Variants in THSD7B observed in about 807,000 individuals in gnomAD.
The protein encoded by THSD7B is thrombospondin type 1 domain containing 7B, also known as thrombospondin type-1 domain-containing protein 7B.
THSD7B carries 138 observed loss-of-function variants against 213.6 expected under a neutral mutation model. That is an observed-to-expected ratio of 0.65 (90% confidence interval 0.56 to 0.74). The LOEUF is 0.74. THSD7B is among the 30% of genes least tolerant of loss of function. THSD7B has a pLI of 0.00. For missense variants in THSD7B, 1,931 were observed against 1,991.5 expected (o/e 0.97, Z 0.58); for synonymous variants, 742 against 687.0 (o/e 1.08, Z -1.25).
intron 12 of THSD7B, among the ~76,000 whole-genome samples, chr2:137,285,330 C>T (rs561680926): frequency 7.9e-5 from 12 of 152,078 alleles, no homozygotes; most frequent in East Asian, 7.7e-4. Context: ...ATATAGCACA[C>T]GGATGGGTCT....
chr2:137,310,849 C>A (rs1458718067), intron 12 of THSD7B, among the ~76,000 whole-genome samples: 1 of 151,928 alleles, frequency 6.6e-6, no homozygotes, highest in Non-Finnish European at 1.5e-5. Flanking sequence ...GCTCTGTTCC[C>A]TTCCATTGAT....
intron 12 of THSD7B, among the ~76,000 whole-genome samples, chr2:137,337,156 A>G: frequency 6.6e-6 from 1 of 151,998 alleles, no homozygotes; most frequent in East Asian, 1.9e-4. Flanking sequence ...GTATAATACT[A>G]TTAATATTCA....
intron 3 of THSD7B, among the ~76,000 whole-genome samples, chr2:137,076,203 G>A (rs1423052049): frequency 6.6e-6 from 1 of 152,234 alleles, no homozygotes; most frequent in African/African-American, 2.4e-5. Flanking sequence ...TACAGAGGCA[G>A]GCAGGCCTCC....
chr2:137,533,881 CTT>C (rs1296641496), intron 15 of THSD7B, among the ~76,000 whole-genome samples: 1 of 151,822 alleles, frequency 6.6e-6, no homozygotes, highest in African/African-American at 2.4e-5. Flanking sequence ...ACAATAAAAA[CTT>C]TGACTAAACA....
At chr2:137,474,858 C>G (rs1287993896) in intron 15 of THSD7B, among the ~76,000 whole-genome samples, 4 of 152,206 alleles carry the variant, frequency 2.6e-5, no homozygotes, top group Non-Finnish European at 5.9e-5. Context: ...CAATCTGTGG[C>G]ATATACTAAT....
intron 2 of THSD7B, among the ~76,000 whole-genome samples, chr2:136,910,474 T>TA (rs1028523085): frequency 1.3e-5 from 2 of 152,180 alleles, no homozygotes; most frequent in Admixed American, 1.3e-4. Context: ...TTTTTATATT[T>TA]AAAAAATGTG....
At chr2:137,662,305 G>A (rs1472925539) in intron 25 of THSD7B, among the ~76,000 whole-genome samples, 7 of 140,750 alleles carry the variant, frequency 5.0e-5, no homozygotes, top group Non-Finnish European at 1.1e-4. Flanking sequence ...GGATGGTCTC[G>A]ATCTCCTGAC....
intron 15 of THSD7B, among the ~76,000 whole-genome samples, chr2:137,484,120 T>C (rs1279149971): frequency 2.0e-5 from 3 of 151,208 alleles, no homozygotes; most frequent in Admixed American, 1.3e-4. Context: ...GCTGCACCCA[T>C]TACCTCGTCA....
At chr2:137,667,402 C>T (rs1683470635) in intron 26 of THSD7B, among the ~76,000 whole-genome samples, 1 of 152,024 alleles carries the variant, frequency 6.6e-6, no homozygotes, top group Admixed American at 6.5e-5. Flanking sequence ...AAGTTACAAC[C>T]TAATGTTTTT....
At chr2:136,854,065 C>G (rs1683139505) in intron 1 of THSD7B, among the ~76,000 whole-genome samples, 1 of 152,150 alleles carries the variant, frequency 6.6e-6, no homozygotes. Context: ...TTAACTCAGC[C>G]TAGAATTAGC....
chr2:136,868,635 T>A (rs945476980), intron 1 of THSD7B, among the ~76,000 whole-genome samples: 1 of 152,234 alleles, frequency 6.6e-6, no homozygotes, highest in East Asian at 1.9e-4. Context: ...AGTATTTTTT[T>A]AATCTCAAAG....
chr2:137,658,728 AT>A (rs1335948223), intron 24 of THSD7B, among the ~76,000 whole-genome samples: 1 of 152,104 alleles, frequency 6.6e-6, no homozygotes, highest in Non-Finnish European at 1.5e-5. Context: ...TCTTTGTGTT[AT>A]TTTTCAAGTC....
intron 17 of THSD7B, among the ~76,000 whole-genome samples, chr2:137,573,944 G>A (rs1681408010): frequency 6.6e-6 from 1 of 152,104 alleles, no homozygotes; most frequent in Non-Finnish European, 1.5e-5. Context: ...ATTTGAAGAA[G>A]AAGGGTAGCT....
intron 21 of THSD7B, among the ~76,000 whole-genome samples, chr2:137,652,950 T>C (rs2104814138): frequency 1.3e-5 from 2 of 152,326 alleles, no homozygotes; most frequent in East Asian, 3.9e-4. Context: ...AGATGCTTAT[T>C]TGGGGCTTCA....
At chr2:136,992,743 A>G (rs1463255445) in intron 2 of THSD7B, among the ~76,000 whole-genome samples, 1 of 152,184 alleles carries the variant, frequency 6.6e-6, no homozygotes, top group African/African-American at 2.4e-5. Context: ...ACACAGTAGC[A>G]CATCTTGGCA....
At chr2:137,577,901 C>T (rs573115604) in intron 17 of THSD7B, among the ~76,000 whole-genome samples, 17 of 152,202 alleles carry the variant, frequency 1.1e-4, no homozygotes, top group Admixed American at 5.2e-4. Flanking sequence ...TAAACTAGCA[C>T]GATTGTAACG....
intron 2 of THSD7B, among the ~76,000 whole-genome samples, chr2:136,951,370 A>G (rs1685035392): frequency 6.6e-6 from 1 of 152,220 alleles, no homozygotes; most frequent in Non-Finnish European, 1.5e-5. Flanking sequence ...TTGCTTAGGT[A>G]AAAATATAAC....
intron 2 of THSD7B, among the ~76,000 whole-genome samples, chr2:136,969,013 G>T (rs991651275): frequency 2.0e-5 from 3 of 152,090 alleles, no homozygotes; most frequent in Non-Finnish European, 4.4e-5. Flanking sequence ...CAAACTTTGA[G>T]ATGTTTGTTC....
chr2:137,411,133 G>T (rs1003297962), intron 13 of THSD7B, among the ~76,000 whole-genome samples: 1 of 152,244 alleles, frequency 6.6e-6, no homozygotes. Flanking sequence ...ATAAATGTTT[G>T]GGAGCTGCCT....
Sources: allele counts gnomAD v4.1 joint callset (sites outside exome capture counted in the v4.1 genomes callset), GRCh38; gene constraint gnomAD v4.1.1; transcripts MANE v1.5; gene names NCBI Gene and HGNC (gene_info 2026-07-23, HGNC 2026-07-21).